BIRC6: variants seen among roughly 807,000 people sequenced by gnomAD.
BIRC6 encodes baculoviral IAP repeat containing 6, also known as dual E2 ubiquitin-conjugating enzyme/E3 ubiquitin-protein ligase BIRC6.
In BIRC6, 98 loss-of-function variants were observed where a neutral mutation model predicts 503.3. That is an observed-to-expected ratio of 0.19 (90% CI 0.17 to 0.23). The LOEUF is 0.23. Ranked by LOEUF, BIRC6 falls within the 10% of genes least tolerant of loss-of-function variation. The pLI, the probability that BIRC6 is intolerant of heterozygous loss-of-function variation, is 1.00. For missense variants in BIRC6, 5,360 were observed against 5,806.0 expected, an observed-to-expected ratio of 0.92 and a Z score of 2.50; for synonymous variants, 2,240 against 2,078.7, an observed-to-expected ratio of 1.08 and a Z score of -2.11.
Position 32,617,973 on chromosome 2 carries a change from T to C in BIRC6, c.*69T>C, listed in dbSNP as rs2063347820. 2.1e-6 allele frequency: 3 copies of C among 1,419,888 alleles called. No individual in the cohort carries two copies. Among genetic ancestry groups the C allele is most frequent in the South Asian group, 2.7e-5 (2 of 73,766 alleles). 88.0% of individuals were successfully genotyped at this position (1,419,888 alleles called of 1,614,324 possible). A position where few individuals can be genotyped will look rare whatever the true frequency, so the allele number is the denominator to read the frequency against. On this transcript the variant is annotated 3_prime_UTR_variant, in exon 74 of 74. Transcript: ENST00000421745. The stretch of plus-strand genomic sequence containing the variant: ...CAAGCCAAATATGTCAATATTTGTA[T>C]GTAAGAAACTAATTATGTAATAGGT...
At chr2:32,584,398 C>T (rs780687152) in intron 66 of BIRC6, among the ~76,000 whole-genome samples, 13 of 151,938 alleles carry the variant, frequency 8.6e-5, no homozygotes, top group African/African-American at 1.9e-4. Context: ...CGTGTGGTGG[C>T]GCACAGTGGG....
chr2:32,528,462 G>A (rs1227819667), intron 59 of BIRC6: 1 of 152,258 alleles, frequency 6.6e-6, no homozygotes, highest in East Asian at 1.9e-4. Flanking sequence ...GGCCTTAGGT[G>A]ATCCACTTGC....
chr2:32,431,778 C>T (rs1179759325), intron 12 of BIRC6, among the ~76,000 whole-genome samples: 3 of 152,148 alleles, frequency 2.0e-5, no homozygotes, highest in Non-Finnish European at 4.4e-5. Flanking sequence ...CTTATAGTCA[C>T]TAGTAATGTG....
At chr2:32,570,488 ATTTGTTTG>A (rs146958492) in intron 65 of BIRC6, among the ~76,000 whole-genome samples, 26 of 146,528 alleles carry the variant, frequency 1.8e-4, no homozygotes, top group Admixed American at 6.9e-4. Context: ...GTGGCCATTT[ATTTGTTTG>A]TTTGTTTGTT....
chr2:32,444,950 C>A (rs769587567), intron 20 of BIRC6, among the ~76,000 whole-genome samples: 1 of 152,118 alleles, frequency 6.6e-6, no homozygotes, highest in African/African-American at 2.4e-5. Flanking sequence ...AAAGTTGGGA[C>A]GCTTAAGTTT....
chr2:32,363,195 G>A lies in BIRC6; in HGVS notation c.325+5709G>A, dbSNP rs796396738. On this transcript the variant is annotated intron_variant, in intron 1 of 73. Coordinates refer to ENST00000421745, the MANE Select transcript of BIRC6 (RefSeq NM_016252.4). Reference sequence around the variant, plus strand: ...AAAAATAAAAAAATTTGCTGGGCATGGTGGTGCACACCTGTAGTCCCAGAT... The same window carrying A: ...AAAAATAAAAAAATTTGCTGGGCATAGTGGTGCACACCTGTAGTCCCAGAT... Among the ~76,000 whole-genome samples, 13 of 152,194 alleles carry A rather than the reference G, an allele frequency of 8.5e-5. 1 individual carries two copies. The highest frequency in any genetic ancestry group is 3.1e-4 in the African/African-American group (13 of 41,518).
intron 53 of BIRC6, among the ~76,000 whole-genome samples, chr2:32,512,380 C>T (rs1430022074): frequency 4.6e-5 from 7 of 152,080 alleles, no homozygotes; most frequent in Admixed American, 4.6e-4. Flanking sequence ...TTTACTGGTT[C>T]CCAACTCCAG....
At chr2:32,473,331 A>C (rs1033627372) in intron 33 of BIRC6, 92 bp downstream of exon 33, 7 of 1,038,058 alleles carry the variant, frequency 6.7e-6, no homozygotes, top group Non-Finnish European at 9.6e-6. Flanking sequence ...GTGAGGTATA[A>C]CATTTAATGG....
intron 15 of BIRC6, among the ~76,000 whole-genome samples, chr2:32,438,089 G>A (rs559539826): frequency 6.6e-6 from 1 of 152,118 alleles, no homozygotes; most frequent in Non-Finnish European, 1.5e-5. Flanking sequence ...ACCACGTCTG[G>A]TCAAAAATAC....
intron 23 of BIRC6, among the ~76,000 whole-genome samples, chr2:32,461,314 A>C (rs946345430): frequency 6.7e-6 from 1 of 148,474 alleles, no homozygotes; most frequent in Admixed American, 6.8e-5. Context: ...AGTAGCTGGG[A>C]TTGGAGGCTT....
chr2:32,617,022 G>C (rs71446075), intron 73 of BIRC6, among the ~76,000 whole-genome samples: 1 of 152,200 alleles, frequency 6.6e-6, no homozygotes, highest in African/African-American at 2.4e-5. Flanking sequence ...CTTAAGCCCA[G>C]GAGGTTGAGG....
intron 66 of BIRC6, among the ~76,000 whole-genome samples, chr2:32,577,298 T>G (rs1275537077): frequency 2.6e-5 from 4 of 152,192 alleles, no homozygotes; most frequent in Admixed American, 2.0e-4. Context: ...CCTGTATTTC[T>G]GTACCTTACA....
chr2:32,359,560 G>C (rs187633874), intron 1 of BIRC6, among the ~76,000 whole-genome samples: 5 of 152,120 alleles, frequency 3.3e-5, no homozygotes, highest in Non-Finnish European at 5.9e-5. Flanking sequence ...AGAAGAGTTC[G>C]GGATTGGATA....
chr2:32,597,636 C>G (rs1360668579), intron 68 of BIRC6, 115 bp from the exon 69 acceptor site: 1 of 729,684 alleles, frequency 1.4e-6, no homozygotes, highest in African/African-American at 1.8e-5. Flanking sequence ...TGCTATTCTT[C>G]CATGGTTGGA....
At chr2:32,536,346 A>G (rs1353803467) in intron 61 of BIRC6, among the ~76,000 whole-genome samples, 1 of 152,100 alleles carries the variant, frequency 6.6e-6, no homozygotes, top group Non-Finnish European at 1.5e-5. Flanking sequence ...TTTTGTTGCC[A>G]TTGCTTTTGG....
chr2:32,378,632 A>G (rs901309604), intron 2 of BIRC6, among the ~76,000 whole-genome samples: 2 of 151,714 alleles, frequency 1.3e-5, no homozygotes, highest in African/African-American at 4.8e-5. Context: ...TAATTTTTGT[A>G]TTTTTAGTAG....
At chr2:32,378,335 A>G (rs965654086) in intron 2 of BIRC6, among the ~76,000 whole-genome samples, 13 of 152,024 alleles carry the variant, frequency 8.6e-5, no homozygotes, top group African/African-American at 2.7e-4. Context: ...TTACCCCATT[A>G]GACAGAATTT....
chr2:32,606,391 C>T (rs561359572), intron 71 of BIRC6, among the ~76,000 whole-genome samples: 3 of 151,868 alleles, frequency 2.0e-5, no homozygotes, highest in South Asian at 2.1e-4. Flanking sequence ...AGTTCGAGAC[C>T]AGCCTGGCCA....
In BIRC6 at chr2:32,464,603, A is replaced by G; in HGVS notation, c.5036A>G (p.Asn1679Ser). ...VGPVHNSVPS[N>S]PVAAPGFFIH... ...CCTGTTCACAACTCTGTGCCTTCCA[A>G]CCCAGTGGCTGCCCCTGGATTCTTC... Residue 1679 changes from asparagine to serine, a missense_variant, in exon 25 of 74, where the codon AAC becomes AGC. This residue lies in a region of BIRC6 where 2,299 missense variants were observed against 2,267.2 expected (regional missense o/e 1.01). Coordinates refer to ENST00000421745, the MANE Select transcript of BIRC6 (RefSeq NM_016252.4). The G allele has an allele frequency of 1.2e-6, 2 of 1,613,640 alleles. No homozygotes were observed. Among genetic ancestry groups the G allele is most frequent in the Non-Finnish European group, 1.7e-6 (2 of 1,179,664 alleles).
Sources: gnomAD v4.1 joint callset for allele counts (sites outside exome capture counted in the v4.1 genomes callset) on GRCh38, gnomAD v4.1.1 for gene constraint, gnomAD v4.1.1 regional missense constraint, MANE v1.5 for transcripts, NCBI Gene and HGNC (gene_info 2026-07-23, HGNC 2026-07-21) for gene names.